The following PLCE1 variants were observed in gnomAD, a reference collection of about 807,000 sequenced individuals.
The protein encoded by PLCE1 is 1-phosphatidylinositol 4,5-bisphosphate phosphodiesterase epsilon-1.
A neutral mutation model predicts 242.8 loss-of-function variants in PLCE1; 119 were observed. That is an observed-to-expected ratio of 0.49 (90% CI 0.42 to 0.57). The LOEUF is 0.57. Ranked by LOEUF, PLCE1 falls within the 20% of genes least tolerant of loss-of-function variation. The probability of loss-of-function intolerance (pLI) is 0.00; values close to 1 mark genes in which losing one functional copy is unlikely to be tolerated. For synonymous variants in PLCE1, 945 were observed against 1,017.4 expected (o/e 0.93, Z 1.35); for missense variants, 2,441 against 2,788.8 (o/e 0.88, Z 2.81).
chr10:94,318,867 G>A (rs2053670824), intron 29 of PLCE1, among the ~76,000 whole-genome samples: 2 of 152,168 alleles, frequency 1.3e-5, no homozygotes, highest in African/African-American at 4.8e-5. Context: ...GGCCAACATG[G>A]CAAAACTCCA....
At chr10:94,038,804 G>T in intron 2 of PLCE1, among the ~76,000 whole-genome samples, 1 of 152,030 alleles carries the variant, frequency 6.6e-6, no homozygotes, top group East Asian at 1.9e-4. Flanking sequence ...ATATGTGCAG[G>T]CATCACTACA....
intron 2 of PLCE1, among the ~76,000 whole-genome samples, chr10:94,097,677 A>C (rs1009368208): frequency 2.0e-5 from 3 of 152,230 alleles, no homozygotes; most frequent in Non-Finnish European, 4.4e-5. Context: ...GGGTGATTCC[A>C]AGTAAAAGCA....
intron 4 of PLCE1, among the ~76,000 whole-genome samples, chr10:94,215,374 G>A (rs1373894065): frequency 6.6e-6 from 1 of 152,132 alleles, no homozygotes; most frequent in Non-Finnish European, 1.5e-5. Flanking sequence ...AAACAGATGA[G>A]TAAAACAATG....
intron 1 of PLCE1, among the ~76,000 whole-genome samples, chr10:94,030,203 GC>G (rs1169973848): frequency 6.6e-6 from 1 of 152,024 alleles, no homozygotes; most frequent in African/African-American, 2.4e-5. Flanking sequence ...GTGCCTCTTT[GC>G]TTAATGTGCC....
At chr10:94,241,314 T>G (rs2050496533) in intron 7 of PLCE1, among the ~76,000 whole-genome samples, 1 of 152,214 alleles carries the variant, frequency 6.6e-6, no homozygotes. Flanking sequence ...GGAACATGCT[T>G]GACTTAACTC....
rs2054140858 is a variant in PLCE1 at position 94,330,003 on chromosome 10, C to T, written c.*2060C>T. The T allele has an allele frequency of 6.6e-6, 1 of 152,112 alleles. No individual in the cohort carries two copies. The highest frequency in any genetic ancestry group is 6.6e-5 in the Admixed American group (1 of 15,258). The allele number at this position is 152,112 out of a possible 1,614,324, so 9.4% of individuals were successfully genotyped here. A position where few individuals can be genotyped will look rare whatever the true frequency, so the allele number is the denominator to read the frequency against. The stretch of plus-strand genomic sequence containing the variant: ...CCATTTTAAAAATATTCCGGAAACA[C>T]TTTATCAAGCCTCTATAAGTGAACA... On this transcript the variant is annotated 3_prime_UTR_variant, in exon 33 of 33. Transcript: ENST00000371380.
At chr10:94,203,272 T>C (rs932747226) in intron 4 of PLCE1, among the ~76,000 whole-genome samples, 2 of 152,270 alleles carry the variant, frequency 1.3e-5, no homozygotes, top group East Asian at 3.9e-4. Flanking sequence ...GACCCCCTCC[T>C]CCATGACACT....
chr10:94,029,008 C>T lies in PLCE1; in HGVS notation c.-364-1675C>T, dbSNP rs192237143. Among the ~76,000 whole-genome samples the T allele has an allele frequency of 4.6e-5, 7 of 152,220 alleles. No homozygotes were observed. The East Asian group carries it at 1.4e-3, about 30-fold the overall frequency. Reference sequence around the variant, plus strand: ...ATATGATAGAAGGAACAGTATGTGACTGCTGAATCCAGGAGGCAGAGGTTG... The same window carrying T: ...ATATGATAGAAGGAACAGTATGTGATTGCTGAATCCAGGAGGCAGAGGTTG... On this transcript the variant is annotated intron_variant, in intron 1 of 32. Transcript: ENST00000371380.
chr10:94,279,707 C>G (rs2052122366), intron 19 of PLCE1, 75 bp from the exon 20 acceptor site: 1 of 1,496,670 alleles, frequency 6.7e-7, no homozygotes, highest in African/African-American at 1.4e-5. Flanking sequence ...TGTTAAACAT[C>G]AGGGGTAGTT....
Position 94,316,647 on chromosome 10 carries a change from A to C in PLCE1, c.6233A>C (p.Gln2078Pro), listed in dbSNP as rs1380776200. 8 of 1,612,528 alleles carry C rather than the reference A, an allele frequency of 5.0e-6. No individual in the cohort carries two copies. Among genetic ancestry groups the C allele is most frequent in the African/African-American group, 1.3e-5 (1 of 75,040 alleles). The change falls in exon 29 of 33, where the codon CAA becomes CCA. Residue 2078 changes from glutamine to proline, a missense_variant. Around this residue, in one of 5 missense-constraint regions of PLCE1, gnomAD observed 310 missense variants for 317.2 expected, o/e 0.98. Transcript: ENST00000371380. ...AAAGAAAAGAATGAATGTAGGAAAC[A>C]ACCATTCCAGAGAGCCATTGGTCCA... ...ISKEKNECRK[Q>P]PFQRAIGPEE...
At chr10:94,146,751 T>A (rs1407960648) in intron 3 of PLCE1, among the ~76,000 whole-genome samples, 1 of 152,210 alleles carries the variant, frequency 6.6e-6, no homozygotes, top group Admixed American at 6.5e-5. Context: ...AGATGGGGCT[T>A]TATCTGTGCT....
chr10:94,100,770 G>A (rs1380152227), intron 2 of PLCE1: 1 of 152,174 alleles, frequency 6.6e-6, no homozygotes, highest in Non-Finnish European at 1.5e-5. Flanking sequence ...CATACTGTAT[G>A]CAGACCACTA....
At chr10:94,042,459 G>T (rs1209141660) in intron 2 of PLCE1, among the ~76,000 whole-genome samples, 1 of 152,160 alleles carries the variant, frequency 6.6e-6, no homozygotes, top group Non-Finnish European at 1.5e-5. Context: ...CCCAGGTCTG[G>T]CTACCTCTAA....
At chr10:93,994,307 A>G (rs544931112) in intron 1 of PLCE1, among the ~76,000 whole-genome samples, 49 bp downstream of exon 1, 1 of 152,330 alleles carries the variant, frequency 6.6e-6, no homozygotes, top group East Asian at 1.9e-4. Context: ...GAGAAAGGGA[A>G]GGATGGGCTG....
In PLCE1 at chr10:94,254,916, C is replaced by T; in HGVS notation, c.3421C>T (p.Pro1141Ser). Residue 1141 changes from proline (P) to serine (S), a missense_variant, in exon 11 of 33, where the codon CCA becomes TCA. Physicochemically the swap from Pro to Ser is moderately conservative, Grantham distance 74. Around this residue, in one of 5 missense-constraint regions of PLCE1, gnomAD observed 1,004 missense variants for 1,322.7 expected, o/e 0.76. Transcript: ENST00000371380. ...AGAGGTGAATGCCATCGCTAACCCTCCAAACCCCCTCCCTTCCAGAAGAGC... is the reference window on the plus strand; with the variant it reads ...AGAGGTGAATGCCATCGCTAACCCTTCAAACCCCCTCCCTTCCAGAAGAGC... Reference protein sequence around the residue: ...ESEVNAIANPPNPLPSRRAHS... With the variant: ...ESEVNAIANPSNPLPSRRAHS... 2 of 1,614,134 alleles carry T rather than the reference C, an allele frequency of 1.2e-6. No individual in the cohort carries two copies. Among genetic ancestry groups the T allele is most frequent in the Middle Eastern group, 1.7e-4 (1 of 6,058 alleles).
At chr10:94,186,486 G>T (rs776839603) in intron 4 of PLCE1, among the ~76,000 whole-genome samples, 3 of 152,154 alleles carry the variant, frequency 2.0e-5, no homozygotes, top group African/African-American at 4.8e-5. Context: ...TCTTAATTCA[G>T]CTCTGTATTG....
chr10:94,071,495 G>GGTTTT (rs2044351689), intron 2 of PLCE1, among the ~76,000 whole-genome samples: 1 of 83,316 alleles, frequency 1.2e-5, no homozygotes, highest in African/African-American at 5.4e-5. Context: ...TTTGGTTTTC[G>GGTTTT]TTTTTTTTTT....
At chr10:94,108,435 T>C (rs1054660160) in intron 2 of PLCE1, 1 of 152,280 alleles carries the variant, frequency 6.6e-6, no homozygotes, top group African/African-American at 2.4e-5. Flanking sequence ...CTTACTCATT[T>C]TGCAGCCATA....
intron 14 of PLCE1, 32 bp downstream of exon 14, chr10:94,262,764 G>A: frequency 1.5e-6 from 2 of 1,316,464 alleles, no homozygotes; most frequent in Admixed American, 1.7e-5. Context: ...GCATGTGTGT[G>A]TGATGCCTCT....
Sources: gnomAD v4.1 joint callset for allele counts (sites outside exome capture counted in the v4.1 genomes callset) on GRCh38, gnomAD v4.1.1 for gene constraint, gnomAD v4.1.1 regional missense constraint, MANE v1.5 for transcripts, NCBI Gene and HGNC (gene_info 2026-07-23, HGNC 2026-07-21) for gene names.